Variants in SH3KBP1 observed in about 807,000 individuals in gnomAD.
The protein encoded by SH3KBP1 is SH3 domain containing kinase binding protein 1, also known as SH3 domain-containing kinase-binding protein 1.
Under a neutral mutation model 50.1 loss-of-function variants are expected in SH3KBP1, and 8 were observed. The ratio of observed to expected loss-of-function variants is 0.16; its 90% CI spans 0.09 to 0.29. The LOEUF (loss-of-function observed/expected upper bound fraction) is 0.29. Ranked by LOEUF, SH3KBP1 falls within the 10% of genes least tolerant of loss-of-function variation. The pLI is 1.00. For missense variants in SH3KBP1, 377 were observed against 535.2 expected (o/e 0.70, Z 2.92); for synonymous variants, 227 against 218.6 (o/e 1.04, Z -0.34).
At chrX:19,678,941 T>C (rs1345849915) in intron 6 of SH3KBP1, among the ~76,000 whole-genome samples, 1 of 111,980 alleles carries the variant, frequency 8.9e-6, no homozygotes, top group Non-Finnish European at 1.9e-5. Context: ...TGGGCCCTGC[T>C]TCTTTCCCCG....
At chrX:19,857,322 C>T (rs1421033836) in intron 1 of SH3KBP1, among the ~76,000 whole-genome samples, 1 of 110,563 alleles carries the variant, frequency 9.0e-6, no homozygotes, top group Non-Finnish European at 1.9e-5. Flanking sequence ...TGGGCAGAGG[C>T]TGCAGGTGGC....
chrX:19,624,568 G>A (rs1424762090), intron 8 of SH3KBP1, among the ~76,000 whole-genome samples: 1 of 111,642 alleles, frequency 9.0e-6, no homozygotes, highest in African/African-American at 3.3e-5. Context: ...GAACTAAAAC[G>A]ATATTTTCTC....
At chrX:19,601,820 T>C (rs1241141349) in intron 9 of SH3KBP1, among the ~76,000 whole-genome samples, 3 of 111,179 alleles carry the variant, frequency 2.7e-5, no homozygotes, top group Non-Finnish European at 5.7e-5. Flanking sequence ...TGTCTTAAAC[T>C]GCACCTCTGT....
At chrX:19,730,337 C>T (rs950880071) in intron 3 of SH3KBP1, among the ~76,000 whole-genome samples, 8 of 111,862 alleles carry the variant, frequency 7.2e-5, no homozygotes, top group Admixed American at 5.7e-4. Context: ...TTAAGCAGCA[C>T]GCTGTGTTCA....
intron 2 of SH3KBP1, among the ~76,000 whole-genome samples, chrX:19,774,650 AAAAAAAAG>A (rs1192076040): frequency 1.6e-5 from 1 of 63,475 alleles, no homozygotes; most frequent in African/African-American, 6.3e-5. Context: ...CCCTGTCTCA[AAAAAAAAG>A]AAAGAAAGAA....
intron 7 of SH3KBP1, among the ~76,000 whole-genome samples, chrX:19,643,312 T>A (rs771294616): frequency 1.8e-3 from 154 of 87,899 alleles, no homozygotes; most frequent in Middle Eastern, 5.6e-3. Flanking sequence ...TTTTTATTTT[T>A]TTTTTTTTTA....
intron 2 of SH3KBP1, among the ~76,000 whole-genome samples, chrX:19,760,802 A>G: frequency 9.0e-6 from 1 of 111,143 alleles, no homozygotes; most frequent in South Asian, 3.9e-4. Flanking sequence ...CTCCATCAGT[A>G]GGAGGGAGAA....
chrX:19,633,235 G>C (rs2061620042), intron 7 of SH3KBP1, among the ~76,000 whole-genome samples: 1 of 111,639 alleles, frequency 9.0e-6, no homozygotes, highest in Non-Finnish European at 1.9e-5. Flanking sequence ...CTTTTGTGCA[G>C]ATGTTTTCAT....
intron 6 of SH3KBP1, among the ~76,000 whole-genome samples, chrX:19,662,457 C>G (rs2062485724): frequency 8.9e-6 from 1 of 112,012 alleles, no homozygotes; most frequent in African/African-American, 3.2e-5. Flanking sequence ...TTCCTTATCT[C>G]CCAGTATTTG....
intron 2 of SH3KBP1, among the ~76,000 whole-genome samples, chrX:19,781,522 G>A (rs1430739079): frequency 9.2e-6 from 1 of 108,883 alleles, no homozygotes; most frequent in African/African-American, 3.4e-5. Flanking sequence ...GAAGGCTGAG[G>A]TGGGAGGATC....
intron 8 of SH3KBP1, among the ~76,000 whole-genome samples, chrX:19,622,390 T>C (rs924008608): frequency 5.3e-5 from 6 of 112,355 alleles, no homozygotes; most frequent in Non-Finnish European, 9.4e-5. Flanking sequence ...ATTGGCACAA[T>C]CTTTCAGGAT....
rs1347051757 is a variant in SH3KBP1, at chrX:19,535,124, G to C, written c.*1293C>G. 10 of 293,574 alleles carry C rather than the reference G, an allele frequency of 3.4e-5. No homozygotes were observed. The highest frequency in any genetic ancestry group is 5.3e-5 in the Non-Finnish European group (9 of 168,904). The allele number at this position is 293,574 out of a possible 1,213,427, so 24.2% of individuals were successfully genotyped here. A position where few individuals can be genotyped will look rare whatever the true frequency, so the allele number is the denominator to read the frequency against. ...CAATACAGTAGGCCCCTCATTTTCA[G>C]CTAAGGATGAGAAAACAGTTACATA... is the stretch of plus-strand genomic sequence containing the variant. On this transcript the variant is annotated 3_prime_UTR_variant, in exon 18 of 18. Transcript: ENST00000397821.
chrX:19,566,013 C>T (rs1304435878), intron 13 of SH3KBP1, among the ~76,000 whole-genome samples: 1 of 102,549 alleles, frequency 9.8e-6, no homozygotes, highest in African/African-American at 3.6e-5. Context: ...CAACCTTTGT[C>T]TCCCGGGTTC....
At chrX:19,588,836 C>T (rs188547874) in intron 11 of SH3KBP1, 34 bp from the exon 12 acceptor site, 11,694 of 1,060,634 alleles carry the variant, frequency 0.011, 62 homozygotes, top group South Asian at 0.037. Flanking sequence ...ACAGATAGAT[C>T]GAGTGTAAGT....
chrX:19,601,318 C>T (rs951471532), intron 9 of SH3KBP1, among the ~76,000 whole-genome samples: 12 of 111,832 alleles, frequency 1.1e-4, no homozygotes, highest in African/African-American at 3.6e-4. Context: ...GATTTCAGAA[C>T]TGACTCTGCC....
At chrX:19,815,931 T>C (rs1275584911) in intron 2 of SH3KBP1, among the ~76,000 whole-genome samples, 2 of 112,415 alleles carry the variant, frequency 1.8e-5, no homozygotes, top group Non-Finnish European at 1.9e-5. Flanking sequence ...ATATTTCCAA[T>C]TTGCAATTAT....
At chrX:19,668,947 T>C (rs1181739525) in intron 6 of SH3KBP1, among the ~76,000 whole-genome samples, 2 of 42,933 alleles carry the variant, frequency 4.7e-5, no homozygotes, top group Non-Finnish European at 7.0e-5. Context: ...TATATATATA[T>C]ATATATATAT....
intron 3 of SH3KBP1, among the ~76,000 whole-genome samples, chrX:19,728,124 A>C (rs2064274827): frequency 8.9e-6 from 1 of 112,183 alleles, no homozygotes; most frequent in Non-Finnish European, 1.9e-5. Flanking sequence ...GAGGCAGTTC[A>C]GGTTGAATAT....
intron 3 of SH3KBP1, among the ~76,000 whole-genome samples, chrX:19,719,068 C>G (rs944705958): frequency 9.8e-5 from 11 of 111,792 alleles, no homozygotes; most frequent in African/African-American, 3.3e-4. Context: ...GTGGGGGCCC[C>G]TTCTCTGGGT....
Sources: allele counts gnomAD v4.1 joint callset (sites outside exome capture counted in the v4.1 genomes callset), GRCh38; gene constraint gnomAD v4.1.1; transcripts MANE v1.5; gene names NCBI Gene and HGNC (gene_info 2026-07-23, HGNC 2026-07-21).